The following RAB40A variants were observed in gnomAD, a reference collection of about 807,000 sequenced individuals.
RAB40A encodes RAB40A, member RAS oncogene family.
For missense variants in RAB40A, 145 were observed against 230.2 expected, an observed-to-expected ratio of 0.63 and a Z score of 2.40; for synonymous variants, 65 against 99.9, an observed-to-expected ratio of 0.65 and a Z score of 2.08.
chrX:103,518,368 G>A (rs911802601), intron 1 of RAB40A, among the ~76,000 whole-genome samples: 31 of 110,993 alleles, frequency 2.8e-4, no homozygotes, highest in Admixed American at 1.6e-3. Context: ...GCACTAGAAA[G>A]GTGAAGAAAC....
intron 2 of RAB40A, among the ~76,000 whole-genome samples, chrX:103,513,571 G>A (rs2073302199): frequency 9.0e-6 from 1 of 111,474 alleles, no homozygotes; most frequent in Admixed American, 9.5e-5. Context: ...CTAACCGAGG[G>A]ATTTGGATAG....
intron 2 of RAB40A, among the ~76,000 whole-genome samples, chrX:103,514,613 AG>A (rs751248061): frequency 1.1e-4 from 12 of 111,913 alleles, no homozygotes; most frequent in Non-Finnish European, 2.1e-4. Context: ...AACCTCCCAG[AG>A]TACAAGGATT....
intron 2 of RAB40A, 35 bp downstream of exon 2, chrX:103,517,339 G>T (rs1028364944): frequency 9.0e-6 from 1 of 111,134 alleles, no homozygotes; most frequent in East Asian, 2.8e-4. Context: ...ATCCTTCTGT[G>T]TTAGACCAGA....
chrX:103,496,444 C>T (rs1180128880), downstream of RAB40A, among the ~76,000 whole-genome samples: 1 of 112,031 alleles, frequency 8.9e-6, no homozygotes, highest in Non-Finnish European at 1.9e-5. Context: ...AGAGTTCCCT[C>T]TATCTACTAT....
chrX:103,513,017 A>C (rs768054594), intron 2 of RAB40A, among the ~76,000 whole-genome samples: 1 of 111,675 alleles, frequency 9.0e-6, no homozygotes, highest in South Asian at 3.8e-4. Context: ...ATTAGGTACT[A>C]GGGTGGTCCT....
intron 2 of RAB40A, among the ~76,000 whole-genome samples, chrX:103,508,111 A>G (rs757251749): frequency 3.6e-5 from 4 of 112,586 alleles, no homozygotes; most frequent in African/African-American, 1.3e-4. Flanking sequence ...TTGTTTTAAT[A>G]CAGCCCTTAG....
At chrX:103,509,810 CTT>C (rs201376749) in intron 2 of RAB40A, among the ~76,000 whole-genome samples, 2 of 95,437 alleles carry the variant, frequency 2.1e-5, no homozygotes, top group African/African-American at 3.9e-5. Context: ...TGAAATATTC[CTT>C]TTTTTTTTTT....
Position 103,499,876 on chromosome X carries a change from G to A in RAB40A, c.*47C>T. The A allele has an allele frequency of 8.4e-7, 1 of 1,191,096 alleles. No homozygotes were observed. The highest frequency in any genetic ancestry group is 1.1e-6 in the Non-Finnish European group (1 of 876,441). On this transcript the variant is annotated 3_prime_UTR_variant, in exon 3 of 3. Transcript: ENST00000304236. Reference sequence around the variant, plus strand: ...GACTTCCATCTTCCAGGTGTAACCAGAGTTTTTCCTGGAGCGATTCCAGCT... The same window carrying A: ...GACTTCCATCTTCCAGGTGTAACCAAAGTTTTTCCTGGAGCGATTCCAGCT...
Position 103,518,954 on chromosome X carries a change from C to T in RAB40A, c.-223+416G>A, listed in dbSNP as rs367854539. 8.8e-4 allele frequency among the ~76,000 whole-genome samples: 98 copies of T among 111,527 alleles called. 1 individual carries two copies. Among genetic ancestry groups the T allele is most frequent in the Non-Finnish European group, 1.4e-3 (76 of 53,010 alleles). On this transcript the variant is annotated intron_variant, in intron 1 of 2. Coordinates refer to ENST00000304236, the MANE Select transcript of RAB40A (RefSeq NM_080879.3). Reference sequence around the variant, plus strand: ...AATGAATATAGAACTAAGCAACAATCCTTAGACGCTGCAGAAAAATCGAGG... The same window carrying T: ...AATGAATATAGAACTAAGCAACAATTCTTAGACGCTGCAGAAAAATCGAGG...
intron 2 of RAB40A, among the ~76,000 whole-genome samples, chrX:103,513,486 C>T (rs1265274387): frequency 8.6e-3 from 2 of 233 alleles, no homozygotes; most frequent in South Asian, 0.17. Context: ...AATATTAAAC[C>T]GAAAGAAAAT....
chrX:103,515,549 C>T (rs2073312688), intron 2 of RAB40A, among the ~76,000 whole-genome samples: 1 of 111,985 alleles, frequency 8.9e-6, no homozygotes. Context: ...TAGTTTTGCT[C>T]ATTTCTCATA....
chrX:103,515,628 A>T (rs371794010), intron 2 of RAB40A, among the ~76,000 whole-genome samples: 5 of 112,052 alleles, frequency 4.5e-5, no homozygotes, highest in African/African-American at 1.6e-4. Context: ...ACTAAGTGTA[A>T]CTCACTACCA....
downstream of RAB40A, among the ~76,000 whole-genome samples, chrX:103,497,157 T>G (rs184479575): frequency 3.6e-5 from 4 of 111,828 alleles, no homozygotes; most frequent in East Asian, 1.1e-3. Context: ...AATTATGTTT[T>G]AAAATTATCA....
At chrX:103,510,427 C>G (rs1603134161) in intron 2 of RAB40A, among the ~76,000 whole-genome samples, 1 of 112,218 alleles carries the variant, frequency 8.9e-6, no homozygotes, top group Non-Finnish European at 1.9e-5. Context: ...CTTTATGGGC[C>G]ATTAGTATCT....
intron 2 of RAB40A, among the ~76,000 whole-genome samples, chrX:103,511,918 T>C (rs2073292546): frequency 9.0e-6 from 1 of 111,525 alleles, no homozygotes. Flanking sequence ...CCAATATGAC[T>C]TGTGGTCGTA....
At chrX:103,512,584 T>C (rs757007959) in intron 2 of RAB40A, among the ~76,000 whole-genome samples, 8 of 111,908 alleles carry the variant, frequency 7.1e-5, no homozygotes, top group African/African-American at 2.6e-4. Flanking sequence ...ACAATAAATA[T>C]TAACCATTTC....
chrX:103,504,253 A>G (rs1423911884), intron 2 of RAB40A, among the ~76,000 whole-genome samples: 2 of 111,336 alleles, frequency 1.8e-5, no homozygotes, highest in Non-Finnish European at 3.8e-5. Flanking sequence ...TGATGGGATC[A>G]TTCATATCCC....
intron 2 of RAB40A, among the ~76,000 whole-genome samples, chrX:103,507,627 TC>T (rs911516821): frequency 8.9e-6 from 1 of 112,253 alleles, no homozygotes; most frequent in Non-Finnish European, 1.9e-5. Context: ...TAACTGCTGA[TC>T]AGGAGATTAA....
chrX:103,503,203 CAT>C (rs757282688), intron 2 of RAB40A: 40 of 751,615 alleles, frequency 5.3e-5, no homozygotes, highest in Non-Finnish European at 2.0e-5. Flanking sequence ...ACTGTAAAAA[CAT>C]ATGCGCCAGG....
Sources: allele counts gnomAD v4.1 joint callset (sites outside exome capture counted in the v4.1 genomes callset), GRCh38; gene constraint gnomAD v4.1.1; transcripts MANE v1.5; gene names NCBI Gene and HGNC (gene_info 2026-07-23, HGNC 2026-07-21).